CAST: variants seen among roughly 807,000 people sequenced by gnomAD.
The protein encoded by CAST is MIR583 host.
Under a neutral mutation model 119.6 loss-of-function variants are expected in CAST, and 76 were observed. The observed-to-expected ratio is 0.64, with a 90% confidence interval of 0.53 to 0.77. The LOEUF (loss-of-function observed/expected upper bound fraction) is 0.77. Among genes scored for constraint, CAST ranks in the 30% least tolerant of loss-of-function variants. The pLI is 0.00. For synonymous variants in CAST, 319 were observed against 331.6 expected, an observed-to-expected ratio of 0.96 and a Z score of 0.41; for missense variants, 953 against 946.5, an observed-to-expected ratio of 1.01 and a Z score of -0.09.
chr5:96,291,256 T>C, the CAST span, among the ~76,000 whole-genome samples: 1 of 152,248 alleles, frequency 6.6e-6, no homozygotes, highest in Non-Finnish European at 1.5e-5. Flanking sequence ...TATTATAATT[T>C]AAAGCCAGTG....
At chr5:96,766,453 G>A (rs1343165139) in intron 27 of CAST, among the ~76,000 whole-genome samples, 1 of 152,162 alleles carries the variant, frequency 6.6e-6, no homozygotes, top group Non-Finnish European at 1.5e-5. Flanking sequence ...AAATGACTAA[G>A]GTGATAGGAT....
At chr5:96,055,728 A>G in the CAST span, among the ~76,000 whole-genome samples, 3 of 152,268 alleles carry the variant, frequency 2.0e-5, no homozygotes, top group South Asian at 4.1e-4. Flanking sequence ...ACATTATATC[A>G]TATAATATAT....
At chr5:96,548,012 A>T (rs2150181428) in intron 1 of CAST, among the ~76,000 whole-genome samples, 1 of 152,340 alleles carries the variant, frequency 6.6e-6, no homozygotes, top group African/African-American at 2.4e-5. Flanking sequence ...AACTTGAGCT[A>T]AGACTCCGTC....
intron 1 of CAST, among the ~76,000 whole-genome samples, chr5:96,619,375 C>G (rs368115663): frequency 6.8e-6 from 1 of 147,160 alleles, no homozygotes; most frequent in Non-Finnish European, 1.5e-5. Context: ...ATGGACCAAT[C>G]AGCTCTCTGT....
rs951435515 is a variant in CAST at position 96,695,904 on chromosome 5, C to T, written c.207C>T (p.Thr69=). 1.9e-6 allele frequency: 3 copies of T among 1,610,224 alleles called. No individual in the cohort carries two copies. Among genetic ancestry groups the T allele is most frequent in the Non-Finnish European group, 2.5e-6 (3 of 1,177,064 alleles). The change falls in exon 3 of 32, where the codon ACC becomes ACT. Residue 69 remains threonine (T), a synonymous_variant. Transcript: ENST00000675179. ...ATGCTGGTGGAACAGCCTCGGCCAC[C>T]AAGGTCAGTGATTTCCTGAACACGA... ...RTYAGGTASA[T]KVSASSGATS...
At chr5:96,713,683 T>A (rs1158354776) in intron 3 of CAST, among the ~76,000 whole-genome samples, 2 of 151,862 alleles carry the variant, frequency 1.3e-5, no homozygotes, top group Non-Finnish European at 2.9e-5. Context: ...CTTCTCAAAT[T>A]AGTGCTCAGG....
At chr5:96,491,213 C>T in the CAST span, among the ~76,000 whole-genome samples, 3 of 151,812 alleles carry the variant, frequency 2.0e-5, no homozygotes, top group Admixed American at 6.6e-5. Flanking sequence ...AGGCCGGGCA[C>T]GGTGGCTCAA....
At position 96,747,375 on chromosome 5, in the gene CAST, C is replaced by T; in HGVS notation, c.1315C>T (p.Pro439Ser). The change falls in exon 18 of 32, where the codon CCT becomes TCT. Residue 439 changes from proline to serine, a missense_variant. By Grantham distance (74) the Pro-to-Ser change is moderately conservative. Transcript: ENST00000675179. ...DKDGKPLLPE[P>S]EEKPKPRSES... ...AGATGGAAAACCACTATTGCCAGAG[C>T]CTGAAGAAAAACCCAAGGTTAGGAA... The T allele has an allele frequency of 6.3e-7, 1 of 1,592,806 alleles. No homozygotes were observed. The highest frequency in any genetic ancestry group is 2.2e-5 in the East Asian group (1 of 44,660).
At chr5:96,446,002 C>T in the CAST span, among the ~76,000 whole-genome samples, 3 of 152,108 alleles carry the variant, frequency 2.0e-5, no homozygotes, top group Non-Finnish European at 2.9e-5. Flanking sequence ...CATGTGCCAC[C>T]ACTCCTGGCT....
chr5:96,009,685 G>A, the CAST span, among the ~76,000 whole-genome samples: 4 of 151,982 alleles, frequency 2.6e-5, no homozygotes, highest in African/African-American at 9.7e-5. Context: ...TATAGATTCT[G>A]GATATTAGAC....
At chr5:96,566,380 G>C (rs1360184196) in intron 1 of CAST, among the ~76,000 whole-genome samples, 1 of 152,162 alleles carries the variant, frequency 6.6e-6, no homozygotes, top group Non-Finnish European at 1.5e-5. Context: ...AAGCAAAACA[G>C]GAAGGGAAGA....
At chr5:96,714,389 A>G (rs1377588057) in intron 3 of CAST, among the ~76,000 whole-genome samples, 2 of 152,204 alleles carry the variant, frequency 1.3e-5, no homozygotes, top group African/African-American at 4.8e-5. Flanking sequence ...GAACTGCAGA[A>G]CTACAGGATT....
At chr5:96,729,974 A>G (rs1422829224) in intron 8 of CAST, among the ~76,000 whole-genome samples, 1 of 152,246 alleles carries the variant, frequency 6.6e-6, no homozygotes, top group African/African-American at 2.4e-5. Context: ...CCTACTGCCC[A>G]GCAATAACCA....
chr5:96,203,471 A>C, the CAST span, among the ~76,000 whole-genome samples: 30 of 152,126 alleles, frequency 2.0e-4, no homozygotes, highest in Admixed American at 7.9e-4. Context: ...ATATTTTTTA[A>C]ATTTGTGACA....
the CAST span, among the ~76,000 whole-genome samples, chr5:96,066,768 T>TC: frequency 1.3e-5 from 2 of 152,012 alleles, no homozygotes; most frequent in South Asian, 2.1e-4. Context: ...CAAGCAATTC[T>TC]CCCCCCTCAG....
chr5:96,739,439 TA>T (rs563645824), intron 11 of CAST, among the ~76,000 whole-genome samples: 2 of 152,214 alleles, frequency 1.3e-5, no homozygotes, highest in African/African-American at 4.8e-5. Context: ...TAATTTTGAA[TA>T]AAAAATGCAG....
At chr5:96,457,757 G>A in the CAST span, among the ~76,000 whole-genome samples, 96 of 152,240 alleles carry the variant, frequency 6.3e-4, 1 homozygote, top group African/African-American at 1.7e-3. Context: ...AGAATGAACC[G>A]TCACTGTCCT....
At chr5:96,406,156 A>C in the CAST span, among the ~76,000 whole-genome samples, 1 of 152,180 alleles carries the variant, frequency 6.6e-6, no homozygotes, top group Non-Finnish European at 1.5e-5. Flanking sequence ...AGTTTGTAAA[A>C]AAAGGTCTCG....
chr5:96,189,821 T>C, the CAST span, among the ~76,000 whole-genome samples: 1 of 152,106 alleles, frequency 6.6e-6, no homozygotes, highest in Non-Finnish European at 1.5e-5. Flanking sequence ...ATGTTTTTGT[T>C]TTTAACATTA....
Sources: allele counts gnomAD v4.1 joint callset (sites outside exome capture counted in the v4.1 genomes callset), GRCh38; gene constraint gnomAD v4.1.1; transcripts MANE v1.5; gene names NCBI Gene and HGNC (gene_info 2026-07-23, HGNC 2026-07-21).